The following PKIB variants were observed in gnomAD, a reference collection of about 807,000 sequenced individuals.
PKIB encodes cAMP-dependent protein kinase inhibitor beta, also known as PKI-beta.
PKIB carries 2 observed loss-of-function variants against 4.5 expected under a neutral mutation model. That is an observed-to-expected ratio of 0.44 (90% CI 0.18 to 1.39). PKIB has a LOEUF of 1.39. Among genes scored for constraint, PKIB ranks in the 40% most tolerant of loss-of-function variants. The pLI, the probability that PKIB is intolerant of heterozygous loss-of-function variation, is 0.27. For missense variants in PKIB, 94 were observed against 92.6 expected (o/e 1.02, Z -0.06); for synonymous variants, 38 against 36.0 (o/e 1.06, Z -0.20).
Position 122,486,063 on chromosome 6 carries a change from C to T in PKIB, c.-248+8124C>T, listed in dbSNP as rs114113035. 5.0e-3 allele frequency among the ~76,000 whole-genome samples: 765 copies of T among 152,238 alleles called. 7 individuals are homozygous for T. Among genetic ancestry groups the T allele is most frequent in the African/African-American group, 0.017 (712 of 41,544 alleles). On this transcript the variant is annotated intron_variant, in intron 2 of 6. Transcript: ENST00000392491. ...TTCATCACAAAATATACCCATGTAACCTCCACATTACCCCCCTGACTCTAA... is the reference window on the plus strand; with the variant it reads ...TTCATCACAAAATATACCCATGTAATCTCCACATTACCCCCCTGACTCTAA...
At chr6:122,679,468 G>GAGAGA (rs764779559) in intron 3 of PKIB, among the ~76,000 whole-genome samples, 21 of 152,066 alleles carry the variant, frequency 1.4e-4, no homozygotes, top group East Asian at 9.7e-4. Context: ...TGGATGAGAG[G>GAGAGA]GCAAAAACCG....
At chr6:122,626,317 A>G (rs1352195524) in intron 1 of PKIB, among the ~76,000 whole-genome samples, 1 of 152,208 alleles carries the variant, frequency 6.6e-6, no homozygotes, top group African/African-American at 2.4e-5. Flanking sequence ...TTTTGCTAAT[A>G]CGAGTAAAGA....
rs965134120 is a variant in PKIB at position 122,534,158 on chromosome 6, A to G, written c.-247-51763A>G. 1.5e-4 allele frequency among the ~76,000 whole-genome samples: 23 copies of G among 148,426 alleles called. No individual in the cohort carries two copies. The South Asian group carries it at 2.5e-3, about 16-fold the overall frequency. On this transcript the variant is annotated intron_variant, in intron 2 of 6. Transcript: ENST00000392491. The stretch of plus-strand genomic sequence containing the variant: ...GTATATTATATTTTTTATATATAAT[A>G]TATATAATACTAACATATATAATAT...
intron 2 of PKIB, among the ~76,000 whole-genome samples, chr6:122,530,661 G>A (rs1317927214): frequency 6.6e-6 from 1 of 152,084 alleles, no homozygotes. Context: ...GTGTTTTTCT[G>A]AGGAACTGCA....
At chr6:122,695,288 A>G (rs1294240211) in intron 3 of PKIB, among the ~76,000 whole-genome samples, 2 of 152,166 alleles carry the variant, frequency 1.3e-5, no homozygotes, top group African/African-American at 2.4e-5. Context: ...TATACCACCA[A>G]TGAGAGAAGT....
At chr6:122,586,997 A>G (rs1430403028) in intron 3 of PKIB, among the ~76,000 whole-genome samples, 1 of 152,134 alleles carries the variant, frequency 6.6e-6, no homozygotes. Flanking sequence ...CAGCCTCTTT[A>G]TTAAATAAAA....
chr6:122,658,556 ATTG>A lies in PKIB; in HGVS notation c.-75-16516_-75-16514del, dbSNP rs1311801931. Among the ~76,000 whole-genome samples the A allele has an allele frequency of 5.3e-5, 8 of 152,156 alleles. No individual in the cohort carries two copies. The East Asian group carries it at 1.6e-3, about 30-fold the overall frequency. ...TATTTTTTGTATTCTAAAGCTTGAA[ATTG>A]TTGTTTTCATAATGATGTGATGCAC... On this transcript the variant is annotated intron_variant, in intron 2 of 4. Transcript: ENST00000368452.
chr6:122,528,570 C>T (rs1342233652), intron 2 of PKIB, among the ~76,000 whole-genome samples: 1 of 152,100 alleles, frequency 6.6e-6, no homozygotes. Context: ...AAAGAAGGAG[C>T]TCTAATATTT....
At chr6:122,541,649 C>G (rs1168720620) in intron 2 of PKIB, among the ~76,000 whole-genome samples, 2 of 151,756 alleles carry the variant, frequency 1.3e-5, no homozygotes, top group African/African-American at 4.9e-5. Context: ...GTGAATCTGA[C>G]AATTATGTGT....
intron 3 of PKIB, among the ~76,000 whole-genome samples, chr6:122,711,292 T>C (rs1779264464): frequency 6.6e-6 from 1 of 152,166 alleles, no homozygotes; most frequent in Non-Finnish European, 1.5e-5. Context: ...TTTGTTTTTG[T>C]TTTTTGTTAC....
chr6:122,644,933 C>T (rs2114859621), intron 2 of PKIB, among the ~76,000 whole-genome samples: 1 of 152,292 alleles, frequency 6.6e-6, no homozygotes, highest in Non-Finnish European at 1.5e-5. Flanking sequence ...GTGACAACTC[C>T]TGTAACTGGG....
At chr6:122,668,585 TG>T (rs1237996025) in intron 2 of PKIB, among the ~76,000 whole-genome samples, 1 of 152,100 alleles carries the variant, frequency 6.6e-6, no homozygotes, top group African/African-American at 2.4e-5. Flanking sequence ...AAGTGGACAG[TG>T]GAATACAAAA....
At chr6:122,538,604 AG>A (rs1164457246) in intron 2 of PKIB, among the ~76,000 whole-genome samples, 1 of 152,098 alleles carries the variant, frequency 6.6e-6, no homozygotes, top group Non-Finnish European at 1.5e-5. Context: ...GTTTGAAGTC[AG>A]GTAGCATGAT....
At chr6:122,637,449 A>G (rs1775965759) in intron 2 of PKIB, among the ~76,000 whole-genome samples, 2 of 152,218 alleles carry the variant, frequency 1.3e-5, no homozygotes, top group African/African-American at 2.4e-5. Context: ...AATACATAAT[A>G]TATCTTAGTT....
At chr6:122,665,189 TTAGTAAAGATAAG>T (rs201957145) in intron 2 of PKIB, among the ~76,000 whole-genome samples, 1,936 of 152,298 alleles carry the variant, frequency 0.013, 40 homozygotes, top group African/African-American at 0.043. Flanking sequence ...GCTGCATTGC[TTAGTAAAGATAAG>T]TAGGAAAACC....
At chr6:122,592,460 G>C (rs1409107215) in intron 3 of PKIB, among the ~76,000 whole-genome samples, 3 of 152,120 alleles carry the variant, frequency 2.0e-5, no homozygotes, top group African/African-American at 7.2e-5. Flanking sequence ...TCATGAAGAA[G>C]TTGCATTTTA....
chr6:122,690,633 GTTA>G (rs1241808610), intron 3 of PKIB, among the ~76,000 whole-genome samples: 1 of 151,936 alleles, frequency 6.6e-6, no homozygotes, highest in Non-Finnish European at 1.5e-5. Flanking sequence ...GGTTGTCTCA[GTTA>G]TTATTTTTGA....
At chr6:122,663,305 G>A (rs935107752) in intron 2 of PKIB, among the ~76,000 whole-genome samples, 1 of 152,124 alleles carries the variant, frequency 6.6e-6, no homozygotes, top group African/African-American at 2.4e-5. Flanking sequence ...TAAAAAAGAT[G>A]AATCCGAGAA....
intron 2 of PKIB, among the ~76,000 whole-genome samples, chr6:122,489,138 C>T (rs1775863306): frequency 6.6e-6 from 1 of 151,704 alleles, no homozygotes; most frequent in Admixed American, 6.6e-5. Flanking sequence ...GTGTTAGCTG[C>T]CTCAAAGGAC....
Sources: allele counts gnomAD v4.1 joint callset (sites outside exome capture counted in the v4.1 genomes callset), GRCh38; gene constraint gnomAD v4.1.1; transcripts MANE v1.5; gene names NCBI Gene and HGNC (gene_info 2026-07-23, HGNC 2026-07-21).